Variants in HIP1 observed in about 807,000 individuals in gnomAD.
HIP1 encodes the protein huntingtin interacting protein 1, also known as huntingtin-interacting protein 1.
Under a neutral mutation model 147.6 loss-of-function variants are expected in HIP1, and 65 were observed. The ratio of observed to expected loss-of-function variants is 0.44; its 90% confidence interval spans 0.36 to 0.54. The LOEUF is 0.54. HIP1 is among the 20% of genes least tolerant of loss of function. HIP1 has a pLI of 0.00. For synonymous variants in HIP1, 479 were observed against 504.0 expected, an observed-to-expected ratio of 0.95 and a Z score of 0.67; for missense variants, 1,061 against 1,299.6, an observed-to-expected ratio of 0.82 and a Z score of 2.82.
chr7:75,706,634 TTTTTTTTTTTA>T (rs1554519779), intron 1 of HIP1, among the ~76,000 whole-genome samples: 1 of 140,592 alleles, frequency 7.1e-6, no homozygotes, highest in African/African-American at 2.8e-5. Flanking sequence ...TTTTTTTTTT[TTTTTTTTTTTA>T]TTATACTCTA....
chr7:75,586,362 T>C (rs782701790), intron 5 of HIP1, among the ~76,000 whole-genome samples: 2 of 151,838 alleles, frequency 1.3e-5, no homozygotes, highest in African/African-American at 4.8e-5. Context: ...ATCACCACCA[T>C]GGGTAATTTT....
intron 1 of HIP1, among the ~76,000 whole-genome samples, chr7:75,602,973 CA>C (rs1797063544): frequency 6.6e-6 from 1 of 151,898 alleles, no homozygotes; most frequent in African/African-American, 2.4e-5. Context: ...GAGGATGCTG[CA>C]TGAAATGAGA....
intron 1 of HIP1, among the ~76,000 whole-genome samples, chr7:75,613,920 T>C (rs66663873): frequency 0.13 from 20,192 of 150,364 alleles, 2,485 homozygotes; most frequent in African/African-American, 0.32. Context: ...GAGATGGGGT[T>C]TGCTATGTTG....
chr7:75,632,167 T>C (rs1438096893), intron 1 of HIP1, among the ~76,000 whole-genome samples: 1 of 152,146 alleles, frequency 6.6e-6, no homozygotes, highest in East Asian at 1.9e-4. Flanking sequence ...TCGCCCTTGG[T>C]GCATTTCAAG....
intron 1 of HIP1, among the ~76,000 whole-genome samples, chr7:75,701,968 C>T (rs1028926845): frequency 6.6e-5 from 10 of 151,772 alleles, no homozygotes; most frequent in African/African-American, 2.4e-4. Context: ...CTCGCTCTGT[C>T]GCCCAGGCTG....
chr7:75,622,573 C>T (rs782788701), intron 1 of HIP1, among the ~76,000 whole-genome samples: 1 of 151,888 alleles, frequency 6.6e-6, no homozygotes, highest in Non-Finnish European at 1.5e-5. Context: ...AAAACCTGGT[C>T]TCTAAATAAA....
chr7:75,674,137 A>G (rs1799813154), intron 1 of HIP1, among the ~76,000 whole-genome samples: 2 of 152,182 alleles, frequency 1.3e-5, no homozygotes, highest in Non-Finnish European at 2.9e-5. Context: ...AAATAGAGAT[A>G]ATTTCACTTC....
intron 1 of HIP1, among the ~76,000 whole-genome samples, chr7:75,602,102 G>A (rs1211734170): frequency 6.6e-6 from 1 of 151,288 alleles, no homozygotes; most frequent in Non-Finnish European, 1.5e-5. Flanking sequence ...CTGGGTTCAA[G>A]CGATTCTCCT....
Position 75,553,491 on chromosome 7 carries a change from T to C in HIP1, c.2257A>G (p.Met753Val), listed in dbSNP as rs145276052. Residue 753 changes from methionine (M) to valine (V), a missense_variant, in exon 22 of 31, where the codon ATG (methionine) becomes GTG (valine). Physicochemically the swap from Met to Val is conservative, Grantham distance 21. Around this residue, in one of 3 missense-constraint regions of HIP1, gnomAD observed 810 missense variants for 946.8 expected, o/e 0.86. Coordinates refer to ENST00000336926, the MANE Select transcript of HIP1 (RefSeq NM_005338.7). The stretch of plus-strand genomic sequence containing the variant: ...TTGATCTTGCTCAGGCAGTTCCTCA[T>C]GGCTGTGCTGTCGGCATTCTCAAGG... ...GSLENADSTA[M>V]RNCLSKIKAI... is the part of the protein sequence containing the mutation. 4.3e-5 allele frequency: 70 copies of C among 1,614,196 alleles called. No homozygotes were observed. In the African/African-American group the frequency reaches 5.3e-4, roughly 12 times the overall value.
chr7:75,727,330 A>G (rs1196778245), intron 1 of HIP1, among the ~76,000 whole-genome samples: 1 of 149,378 alleles, frequency 6.7e-6, no homozygotes, highest in African/African-American at 2.5e-5. Context: ...TTCTGGGCTC[A>G]AGGGATCCGC....
chr7:75,673,125 G>A (rs782030296), intron 1 of HIP1, among the ~76,000 whole-genome samples: 2 of 151,448 alleles, frequency 1.3e-5, no homozygotes, highest in Admixed American at 6.6e-5. Flanking sequence ...GGGTTCAAGC[G>A]ATTCTCCTGC....
rs145301707 is a variant in HIP1, at chr7:75,608,169, G to T, written c.121-8922C>A. ...AAAACACACAAAAAATTAGCCGGGC[G>T]TGGTGGTGGGCACCTGTAATCCCAG... On this transcript the variant is annotated intron_variant, in intron 1 of 30. Transcript: ENST00000336926. 7.4e-3 allele frequency among the ~76,000 whole-genome samples: 1,125 copies of T among 152,224 alleles called. 17 individuals are homozygous for T. The highest frequency in any genetic ancestry group is 0.019 in the African/African-American group (780 of 41,538).
At chr7:75,561,533 C>T (rs1554494554) in intron 12 of HIP1, 132 bp from the exon 13 acceptor site, 2 of 686,392 alleles carry the variant, frequency 2.9e-6, no homozygotes, top group East Asian at 2.6e-5. Context: ...ATAAATTATA[C>T]TCTAAATGTT....
At chr7:75,616,102 A>AAAAAAAAAG (rs1797649814) in intron 1 of HIP1, among the ~76,000 whole-genome samples, 1 of 150,118 alleles carries the variant, frequency 6.7e-6, no homozygotes, top group African/African-American at 2.4e-5. Context: ...AAAAAAAAAA[A>AAAAAAAAAG]AAAAGAAAAG....
chr7:75,543,861 G>A (rs1167796), intron 27 of HIP1, among the ~76,000 whole-genome samples: 49,710 of 152,046 alleles, frequency 0.33, 9,624 homozygotes, highest in Non-Finnish European at 0.42. Flanking sequence ...GGGTACAGAC[G>A]TTCCTTGCTG....
At chr7:75,725,804 T>C (rs1273405089) in intron 1 of HIP1, among the ~76,000 whole-genome samples, 1 of 150,384 alleles carries the variant, frequency 6.6e-6, no homozygotes, top group Non-Finnish European at 1.5e-5. Context: ...TCTAAATGTC[T>C]GTGGGTGCAT....
intron 25 of HIP1, among the ~76,000 whole-genome samples, chr7:75,545,441 A>C (rs1386279279): frequency 6.6e-6 from 1 of 151,954 alleles, no homozygotes; most frequent in Non-Finnish European, 1.5e-5. Context: ...CAGGAGTTCA[A>C]GACCAGCTTG....
intron 1 of HIP1, among the ~76,000 whole-genome samples, chr7:75,685,665 C>T (rs1554517513): frequency 1.3e-5 from 2 of 152,250 alleles, no homozygotes; most frequent in African/African-American, 4.8e-5. Flanking sequence ...TCTCCTGCCT[C>T]AGCCTCCCAC....
At chr7:75,554,576 T>C (rs782132860) in intron 19 of HIP1, 50 bp from the exon 20 acceptor site, 2 of 1,368,394 alleles carry the variant, frequency 1.5e-6, no homozygotes, top group Non-Finnish European at 1.0e-6. Flanking sequence ...CATAGCTGGC[T>C]TCATCCTCGT....
Sources: gnomAD v4.1 joint callset for allele counts (sites outside exome capture counted in the v4.1 genomes callset) on GRCh38, gnomAD v4.1.1 for gene constraint, gnomAD v4.1.1 regional missense constraint, MANE v1.5 for transcripts, NCBI Gene and HGNC (gene_info 2026-07-23, HGNC 2026-07-21) for gene names.